ZFAT: variants seen among roughly 807,000 people sequenced by gnomAD.
ZFAT encodes zinc finger protein ZFAT.
ZFAT carries 64 observed loss-of-function variants against 117.7 expected under a neutral mutation model. That is an observed-to-expected ratio of 0.54 (90% CI 0.44 to 0.67). The LOEUF (loss-of-function observed/expected upper bound fraction) is 0.67. ZFAT is among the 30% of genes least tolerant of loss of function. ZFAT has a pLI of 0.00. For missense variants in ZFAT, 1,433 were observed against 1,584.5 expected, an observed-to-expected ratio of 0.90 and a Z score of 1.62; for synonymous variants, 679 against 615.0, an observed-to-expected ratio of 1.10 and a Z score of -1.54.
chr8:134,613,543 C>G (rs1262582619), intron 3 of ZFAT, among the ~76,000 whole-genome samples: 3 of 152,110 alleles, frequency 2.0e-5, no homozygotes, highest in African/African-American at 7.2e-5. Context: ...CCTACAGCTC[C>G]AATTTGAGTT....
At chr8:134,759,366 T>A in the ZFAT span, among the ~76,000 whole-genome samples, 2 of 152,344 alleles carry the variant, frequency 1.3e-5, no homozygotes, top group South Asian at 2.1e-4. Flanking sequence ...GGGACCCCCA[T>A]GAATAGGCAG....
intron 1 of ZFAT, among the ~76,000 whole-genome samples, chr8:134,670,990 C>T (rs1224739194): frequency 6.6e-6 from 1 of 152,154 alleles, no homozygotes; most frequent in Non-Finnish European, 1.5e-5. Flanking sequence ...TGTAAATAAA[C>T]TAGAAAATCT....
At position 134,677,238 on chromosome 8, in the gene ZFAT, G is replaced by A. The variant is rs183421275; in HGVS notation, c.20-19501C>T. Among the ~76,000 whole-genome samples, 121 of 152,040 alleles carry A rather than the reference G, an allele frequency of 8.0e-4. 2 individuals carry two copies. The Middle Eastern group carries it at 0.01, about 13-fold the overall frequency. On this transcript the variant is annotated intron_variant, in intron 1 of 15. Transcript: ENST00000377838. ...GAAAAGAGAGAAGAAACAAATAGAC[G>A]CAATAAAAAATGATAAAGGGGCCAT...
At chr8:134,779,170 GAA>G in the ZFAT span, among the ~76,000 whole-genome samples, 1 of 152,200 alleles carries the variant, frequency 6.6e-6, no homozygotes, top group Non-Finnish European at 1.5e-5. Flanking sequence ...GAGTGACAGA[GAA>G]AGTGTCTTGT....
rs553982113 is a variant in ZFAT, at chr8:134,500,714, A to C, written c.3492+8905T>G. Among the ~76,000 whole-genome samples the C allele has an allele frequency of 4.6e-5, 7 of 152,310 alleles. No individual in the cohort carries two copies. In the South Asian group the frequency reaches 1.4e-3, roughly 32 times the overall value. On this transcript the variant is annotated intron_variant, in intron 15 of 15. Transcript: ENST00000377838. ...ACAAAGAAAAAGAAAAGGTTCAAAC[A>C]ACCACAGGAGAACTAGGAAAGGCCT...
Position 134,712,884 on chromosome 8 carries a change from G to T in ZFAT, c.-21C>A. 2 of 1,506,498 alleles carry T rather than the reference G, an allele frequency of 1.3e-6. No homozygotes were observed. Among genetic ancestry groups the T allele is most frequent in the Non-Finnish European group, 1.8e-6 (2 of 1,127,740 alleles). 93.3% of individuals were successfully genotyped at this position (1,506,498 alleles called of 1,614,324 possible). ...TCCATGGCAACGCCCCACCGCGGAGGAAAAAAAAGCCTCGGGCTCTTCCGG... is the reference window on the plus strand; with the variant it reads ...TCCATGGCAACGCCCCACCGCGGAGTAAAAAAAAGCCTCGGGCTCTTCCGG... On this transcript the variant is annotated 5_prime_UTR_variant, in exon 1 of 16. Coordinates refer to ENST00000377838, the MANE Select transcript of ZFAT (RefSeq NM_020863.4).
chr8:134,550,288 C>A (rs1332924737), intron 11 of ZFAT, among the ~76,000 whole-genome samples: 2 of 129,962 alleles, frequency 1.5e-5, no homozygotes, highest in Non-Finnish European at 3.1e-5. Context: ...GACTTACATT[C>A]CATCCAGGGT....
At chr8:134,544,190 G>T (rs1470925592) in intron 11 of ZFAT, among the ~76,000 whole-genome samples, 1 of 152,114 alleles carries the variant, frequency 6.6e-6, no homozygotes, top group African/African-American at 2.4e-5. Flanking sequence ...TGGTGTAACT[G>T]CCACCTGCCT....
chr8:134,779,012 T>G, the ZFAT span, among the ~76,000 whole-genome samples: 4 of 152,176 alleles, frequency 2.6e-5, no homozygotes, highest in Non-Finnish European at 4.4e-5. Flanking sequence ...TTCATGTGCT[T>G]TACATGGTGG....
chr8:134,602,213 T>A lies in ZFAT; in HGVS notation c.1506A>T (p.Glu502Asp). The A allele has an allele frequency of 1.2e-6, 2 of 1,613,610 alleles. No individual in the cohort carries two copies. The highest frequency in any genetic ancestry group is 2.2e-5 in the South Asian group (2 of 91,086). Residue 502 changes from glutamate (E) to aspartate (D), a missense_variant, in exon 6 of 16, where the codon GAA becomes GAT. By Grantham distance (45) the Glu-to-Asp change is conservative. Transcript: ENST00000377838. ...SSINQSFCLL[E>D]PGGDIQQEAL... Reference sequence around the variant, plus strand: ...CTTCTTGCTGGATGTCCCCACCAGGTTCCAGGAGGCAGAAGCTCTGGTTGA... The same window carrying A: ...CTTCTTGCTGGATGTCCCCACCAGGATCCAGGAGGCAGAAGCTCTGGTTGA...
chr8:134,529,729 C>T (rs762509231), intron 12 of ZFAT, among the ~76,000 whole-genome samples: 15 of 152,278 alleles, frequency 9.9e-5, no homozygotes, highest in South Asian at 6.2e-4. Context: ...CCCCGCTCCA[C>T]GTTGAGGGAC....
chr8:134,583,528 T>A (rs1825856337), intron 10 of ZFAT, among the ~76,000 whole-genome samples: 1 of 152,120 alleles, frequency 6.6e-6, no homozygotes, highest in Non-Finnish European at 1.5e-5. Flanking sequence ...GGATGGAAAC[T>A]TCGGAACCAT....
At chr8:134,600,411 G>A (rs755616943) in intron 7 of ZFAT, 25 bp downstream of exon 7, 1 of 1,600,254 alleles carries the variant, frequency 6.2e-7, no homozygotes, top group South Asian at 1.1e-5. Context: ...GGGAGACGGG[G>A]CTGCCGCTTG....
intron 11 of ZFAT, among the ~76,000 whole-genome samples, chr8:134,562,698 CA>C (rs1269263724): frequency 6.6e-6 from 1 of 152,210 alleles, no homozygotes; most frequent in African/African-American, 2.4e-5. Context: ...CAGCTCAGTG[CA>C]GCAGGTCCTG....
the ZFAT span, among the ~76,000 whole-genome samples, chr8:134,742,147 CTG>C: frequency 1.4e-5 from 2 of 147,234 alleles, no homozygotes; most frequent in Non-Finnish European, 3.0e-5. Flanking sequence ...TTATTTATTG[CTG>C]TGTCAGATCA....
At chr8:134,824,182 G>C in the ZFAT span, among the ~76,000 whole-genome samples, 55 of 152,322 alleles carry the variant, frequency 3.6e-4, no homozygotes, top group South Asian at 1.2e-3. Context: ...AAGTGAGAAT[G>C]GTGGCAGTTC....
chr8:134,508,660 G>A (rs1819593895), intron 15 of ZFAT, among the ~76,000 whole-genome samples: 1 of 152,112 alleles, frequency 6.6e-6, no homozygotes, highest in Admixed American at 6.5e-5. Context: ...CATCCTTTAT[G>A]TCATACTGGT....
chr8:134,705,539 A>G (rs1563776789), intron 1 of ZFAT, among the ~76,000 whole-genome samples: 1 of 150,724 alleles, frequency 6.6e-6, no homozygotes, highest in Non-Finnish European at 1.5e-5. Context: ...TTTATTTTTA[A>G]TTTTTTTTGA....
chr8:134,634,046 C>CA lies in ZFAT; in HGVS notation c.448+3414dup, dbSNP rs1340206524. On this transcript the variant is annotated intron_variant, in intron 3 of 15. Coordinates refer to ENST00000377838, the MANE Select transcript of ZFAT (RefSeq NM_020863.4). Reference sequence around the variant, plus strand: ...AGGCAACAAGAGCAAAACTCCATCTCAAAAAAACAAAACAAAACAAAACAA... The same window carrying CA: ...AGGCAACAAGAGCAAAACTCCATCTCAAAAAAAACAAAACAAAACAAAACAA... Among the ~76,000 whole-genome samples, 4 of 132,878 alleles carry CA rather than the reference C, an allele frequency of 3.0e-5. No homozygotes were observed. In the East Asian group the frequency reaches 9.3e-4, roughly 31 times the overall value. The allele number at this position is 132,878 out of a possible 152,430, so 87.2% of individuals were successfully genotyped here. A position where few individuals can be genotyped will look rare whatever the true frequency, so the allele number is the denominator to read the frequency against.
Sources: allele counts gnomAD v4.1 joint callset (sites outside exome capture counted in the v4.1 genomes callset), GRCh38; gene constraint gnomAD v4.1.1; transcripts MANE v1.5; gene names NCBI Gene and HGNC (gene_info 2026-07-23, HGNC 2026-07-21).